The following ESRRG variants were observed in gnomAD, a reference collection of about 807,000 sequenced individuals.
ESRRG encodes the protein estrogen-related receptor gamma.
A neutral mutation model predicts 44.0 loss-of-function variants in ESRRG; 13 were observed. The ratio of observed to expected loss-of-function variants is 0.30; its 90% CI spans 0.19 to 0.47. The LOEUF (loss-of-function observed/expected upper bound fraction) is 0.47, where lower values mean the gene tolerates loss of function less well. Among genes scored for constraint, ESRRG ranks in the 20% least tolerant of loss-of-function variants. The pLI, the probability that ESRRG is intolerant of heterozygous loss-of-function variation, is 1.00. For missense variants in ESRRG, 395 were observed against 580.6 expected (o/e 0.68, Z 3.29); for synonymous variants, 215 against 214.6 (o/e 1.00, Z -0.02).
At chr1:216,752,338 G>A (rs774244377) in intron 2 of ESRRG, among the ~76,000 whole-genome samples, 10 of 151,998 alleles carry the variant, frequency 6.6e-5, no homozygotes, top group South Asian at 4.1e-4. Flanking sequence ...TGGAAATTAC[G>A]GGTGCATGTG....
At position 216,797,582 on chromosome 1, in the gene ESRRG, C is replaced by T. The variant is rs909330910; in HGVS notation, c.-13-120091G>A. ...AAAATCCCATTACCATAGGATTTTCCTTGTTTTTGATGACCTTGATAGTTC... is the reference window on the plus strand; with the variant it reads ...AAAATCCCATTACCATAGGATTTTCTTTGTTTTTGATGACCTTGATAGTTC... On this transcript the variant is annotated intron_variant, in intron 2 of 7. Transcript: ENST00000359162. Among the ~76,000 whole-genome samples, 51 of 152,112 alleles carry T rather than the reference C, an allele frequency of 3.4e-4. 1 individual carries two copies. Among genetic ancestry groups the T allele is most frequent in the South Asian group, 2.1e-4 (1 of 4,828 alleles).
chr1:216,946,159 A>C (rs1333470801), intron 1 of ESRRG, among the ~76,000 whole-genome samples: 1 of 152,206 alleles, frequency 6.6e-6, no homozygotes, highest in Non-Finnish European at 1.5e-5. Context: ...TAGAACCAAG[A>C]AATCAGAGAT....
At chr1:216,992,537 T>A (rs2150534806) in intron 1 of ESRRG, among the ~76,000 whole-genome samples, 1 of 152,338 alleles carries the variant, frequency 6.6e-6, no homozygotes, top group African/African-American at 2.4e-5. Flanking sequence ...CAAAAAATGT[T>A]TGTTTAATTG....
At chr1:216,761,320 T>A (rs2092760939) in intron 2 of ESRRG, among the ~76,000 whole-genome samples, 1 of 152,100 alleles carries the variant, frequency 6.6e-6, no homozygotes, top group African/African-American at 2.4e-5. Context: ...TTTAAACAAT[T>A]AATACAATAA....
chr1:216,979,472 T>C (rs2073564064), intron 1 of ESRRG, among the ~76,000 whole-genome samples: 1 of 152,114 alleles, frequency 6.6e-6, no homozygotes, highest in Non-Finnish European at 1.5e-5. Context: ...GGTGGGAAGC[T>C]TGATCATGGC....
At chr1:216,814,307 T>C (rs1369530954) in intron 2 of ESRRG, among the ~76,000 whole-genome samples, 6 of 152,178 alleles carry the variant, frequency 3.9e-5, no homozygotes, top group Non-Finnish European at 8.8e-5. Flanking sequence ...ATTCCATCTG[T>C]AGAATGAAAT....
intron 6 of ESRRG, among the ~76,000 whole-genome samples, chr1:216,513,966 A>T (rs1042381576): frequency 6.6e-6 from 1 of 152,222 alleles, no homozygotes; most frequent in Non-Finnish European, 1.5e-5. Flanking sequence ...TGCTATAATC[A>T]TTTCCTGGAA....
chr1:216,707,394 G>T, intron 1 of ESRRG: 8 of 1,535,928 alleles, frequency 5.2e-6, no homozygotes, highest in Non-Finnish European at 6.1e-6. Context: ...GATCAGACTT[G>T]ACTGCTCCAA....
At chr1:216,927,785 A>G (rs1270496895) in intron 2 of ESRRG, among the ~76,000 whole-genome samples, 1 of 152,186 alleles carries the variant, frequency 6.6e-6, no homozygotes, top group Non-Finnish European at 1.5e-5. Flanking sequence ...CATGAAGGAG[A>G]GCACTAGCTT....
intron 1 of ESRRG, among the ~76,000 whole-genome samples, chr1:217,120,398 T>G (rs2102495230): frequency 6.6e-6 from 1 of 151,958 alleles, no homozygotes; most frequent in African/African-American, 2.4e-5. Flanking sequence ...AACTAACAAG[T>G]CTAGTATCAT....
intron 2 of ESRRG, among the ~76,000 whole-genome samples, chr1:216,865,986 CAG>C (rs2096150462): frequency 1.3e-5 from 2 of 152,248 alleles, no homozygotes; most frequent in East Asian, 1.9e-4. Flanking sequence ...TGACATTTTG[CAG>C]AGTCTTCAGT....
rs1270722265 is a variant in ESRRG at position 217,083,674 on chromosome 1, TGG to T, written c.-106+5831_-106+5832del. Among the ~76,000 whole-genome samples the T allele has an allele frequency of 3.3e-5, 5 of 152,222 alleles. No individual in the cohort carries two copies. In the East Asian group the frequency reaches 9.6e-4, roughly 29 times the overall value. On this transcript the variant is annotated intron_variant, in intron 1 of 7. Transcript: ENST00000359162. Reference sequence around the variant, plus strand: ...GCACAGTTCTAACTTTGAAGGTGATTGGGCCAAAGCATCATCAGGTATTATAT... The same window carrying T: ...GCACAGTTCTAACTTTGAAGGTGATTGCCAAAGCATCATCAGGTATTATAT...
intron 1 of ESRRG, among the ~76,000 whole-genome samples, chr1:216,705,213 ATAGT>A (rs551242448): frequency 1.4e-3 from 220 of 152,294 alleles, no homozygotes; most frequent in Non-Finnish European, 2.4e-3. Flanking sequence ...CTTTCATTTA[ATAGT>A]TAGTATATAT....
At chr1:216,895,033 C>A (rs547252081) in intron 2 of ESRRG, among the ~76,000 whole-genome samples, 9 of 152,116 alleles carry the variant, frequency 5.9e-5, no homozygotes, top group Non-Finnish European at 1.0e-4. Flanking sequence ...ACAAACCATG[C>A]AAATTGGGCT....
chr1:216,935,620 A>ATT (rs368688184), intron 2 of ESRRG, among the ~76,000 whole-genome samples: 17,031 of 146,076 alleles, frequency 0.12, 985 homozygotes, highest in East Asian at 0.18. Context: ...CAGTTTAGGA[A>ATT]TTTTTTTTTT....
rs1259249545 is a variant in ESRRG, at chr1:216,665,852, C to T, written c.472+11224G>A. Reference sequence around the variant, plus strand: ...TATAAATCAGCTCCAATGACTAGGCCGTCACATCACTGAAGTCTCATTATC... The same window carrying T: ...TATAAATCAGCTCCAATGACTAGGCTGTCACATCACTGAAGTCTCATTATC... On this transcript the variant is annotated intron_variant, in intron 2 of 6. Transcript: ENST00000408911. 3.9e-5 allele frequency among the ~76,000 whole-genome samples: 6 copies of T among 152,018 alleles called. 1 individual carries two copies. In the South Asian group the frequency reaches 8.3e-4, roughly 21 times the overall value.
intron 1 of ESRRG, chr1:216,681,936 T>A (rs1418571386): frequency 6.6e-6 from 1 of 152,216 alleles, no homozygotes; most frequent in Non-Finnish European, 1.5e-5. Flanking sequence ...CGTCAGGAGT[T>A]TGAATTCCCA....
chr1:216,969,681 G>C (rs527492100), intron 1 of ESRRG, among the ~76,000 whole-genome samples: 1 of 152,230 alleles, frequency 6.6e-6, no homozygotes, highest in Admixed American at 6.5e-5. Context: ...CGCCTCCCTG[G>C]TTCAAGCAAC....
intron 1 of ESRRG, among the ~76,000 whole-genome samples, chr1:217,089,068 A>C (rs984581592): frequency 9.9e-5 from 15 of 152,114 alleles, no homozygotes; most frequent in African/African-American, 3.6e-4. Context: ...CCATGACAGC[A>C]GTCCTCAACT....
Sources: allele counts gnomAD v4.1 joint callset (sites outside exome capture counted in the v4.1 genomes callset), GRCh38; gene constraint gnomAD v4.1.1; transcripts MANE v1.5; gene names NCBI Gene and HGNC (gene_info 2026-07-23, HGNC 2026-07-21).